The following MTUS2 variants were observed in gnomAD, a reference collection of about 807,000 sequenced individuals.
MTUS2 encodes the protein microtubule-associated tumor suppressor candidate 2.
MTUS2 carries 40 observed loss-of-function variants against 114.1 expected under a neutral mutation model. The observed-to-expected ratio is 0.35, with a 90% confidence interval of 0.27 to 0.46. The LOEUF (loss-of-function observed/expected upper bound fraction) is 0.46, where lower values mean the gene tolerates loss of function less well. Among genes scored for constraint, MTUS2 ranks in the 20% least tolerant of loss-of-function variants. The pLI, the probability that MTUS2 is intolerant of heterozygous loss-of-function variation, is 1.00. For synonymous variants in MTUS2, 688 were observed against 672.0 expected, an observed-to-expected ratio of 1.02 and a Z score of -0.37; for missense variants, 1,679 against 1,705.4, an observed-to-expected ratio of 0.98 and a Z score of 0.27.
chr13:29,141,593 A>G (rs895566832), intron 5 of MTUS2, among the ~76,000 whole-genome samples: 1 of 152,180 alleles, frequency 6.6e-6, no homozygotes, highest in African/African-American at 2.4e-5. Flanking sequence ...TCCTAACCTT[A>G]ATCAGAGCTG....
chr13:29,323,554 A>G (rs992997027), intron 6 of MTUS2, among the ~76,000 whole-genome samples: 2 of 152,188 alleles, frequency 1.3e-5, no homozygotes, highest in Admixed American at 6.5e-5. Flanking sequence ...CCAGCCTGAT[A>G]TGGCTCTTTT....
At chr13:29,059,539 G>A (rs1888311536) in intron 4 of MTUS2, among the ~76,000 whole-genome samples, 1 of 152,194 alleles carries the variant, frequency 6.6e-6, no homozygotes, top group Non-Finnish European at 1.5e-5. Context: ...TTGGCTGGAA[G>A]CTCTAGCAGG....
intron 5 of MTUS2, among the ~76,000 whole-genome samples, chr13:29,119,595 C>A (rs1275952278): frequency 6.6e-6 from 1 of 152,028 alleles, no homozygotes; most frequent in Non-Finnish European, 1.5e-5. Context: ...CTAAAATTTG[C>A]AGGGAAAGAT....
At chr13:29,146,325 G>A (rs140072099) in intron 5 of MTUS2, among the ~76,000 whole-genome samples, 19 of 152,244 alleles carry the variant, frequency 1.2e-4, no homozygotes, top group African/African-American at 4.6e-4. Flanking sequence ...TCTATACATG[G>A]CCAGCTTGTT....
At chr13:29,388,691 T>A (rs115238274) in intron 8 of MTUS2, among the ~76,000 whole-genome samples, 5,898 of 150,934 alleles carry the variant, frequency 0.039, 404 homozygotes, top group African/African-American at 0.14. Context: ...TTTAAAAAAA[T>A]TTAAAATAAA....
At position 29,166,766 on chromosome 13, in the gene MTUS2, A is replaced by G. The variant is rs924941484; in HGVS notation, c.2644+65796A>G. 2.6e-5 allele frequency among the ~76,000 whole-genome samples: 4 copies of G among 152,242 alleles called. No individual in the cohort carries two copies. The South Asian group carries it at 8.3e-4, about 32-fold the overall frequency. ...TTTGCATTTAAATACTTGCCAGGTC[A>G]GTAGCCTACCATTGTTAATCATAAA... is the stretch of plus-strand genomic sequence containing the variant. On this transcript the variant is annotated intron_variant, in intron 5 of 15. Transcript: ENST00000612955.
At chr13:28,829,764 G>C (rs1241323581) in intron 1 of MTUS2, among the ~76,000 whole-genome samples, 1 of 152,204 alleles carries the variant, frequency 6.6e-6, no homozygotes, top group African/African-American at 2.4e-5. Context: ...ACACCAGTTG[G>C]GGTTAACAAG....
At chr13:29,320,990 G>T (rs1326644977) in intron 6 of MTUS2, among the ~76,000 whole-genome samples, 14 of 152,208 alleles carry the variant, frequency 9.2e-5, no homozygotes, top group Non-Finnish European at 1.0e-4. Context: ...ATAGGACAGA[G>T]AATAGGTTTG....
At chr13:28,827,577 C>T (rs545938692) in intron 1 of MTUS2, among the ~76,000 whole-genome samples, 51 of 152,286 alleles carry the variant, frequency 3.3e-4, no homozygotes, top group African/African-American at 1.1e-3. Flanking sequence ...CCTGCAGCCA[C>T]ATTTCTTCAG....
rs1002634458 is a variant in MTUS2 at position 29,182,214 on chromosome 13, C to T, written c.2644+81244C>T. The stretch of plus-strand genomic sequence containing the variant: ...GAGTCATCCTTGATTCTCTCTCTTT[C>T]TCACACCCAGTATCCAATCCATGAG... On this transcript the variant is annotated intron_variant, in intron 5 of 15. Coordinates refer to ENST00000612955, the MANE Select transcript of MTUS2 (RefSeq NM_001033602.4). Among the ~76,000 whole-genome samples the T allele has an allele frequency of 4.6e-5, 7 of 152,320 alleles. 1 individual carries two copies. The highest frequency in any genetic ancestry group is 4.6e-4 in the Admixed American group (7 of 15,296).
intron 4 of MTUS2, among the ~76,000 whole-genome samples, chr13:29,074,413 T>C (rs906029571): frequency 6.6e-6 from 1 of 152,184 alleles, no homozygotes; most frequent in Non-Finnish European, 1.5e-5. Context: ...CACCCTTTAG[T>C]GTCATTTTTC....
Position 29,280,257 on chromosome 13 carries a change from C to A in MTUS2, c.2645-1447C>A, listed in dbSNP as rs148294369. ...CTGACACCCAGGATACAGTGCAGATCCTTTCAATGGAGTTTCAATGCATTT... is the reference window on the plus strand; with the variant it reads ...CTGACACCCAGGATACAGTGCAGATACTTTCAATGGAGTTTCAATGCATTT... On this transcript the variant is annotated intron_variant, in intron 5 of 15. Coordinates refer to ENST00000612955, the MANE Select transcript of MTUS2 (RefSeq NM_001033602.4). Among the ~76,000 whole-genome samples the A allele has an allele frequency of 1.4e-4, 22 of 152,278 alleles. No individual in the cohort carries two copies. In the East Asian group the frequency reaches 4.2e-3, roughly 29 times the overall value.
In MTUS2 at chr13:29,289,502, G is replaced by A. The variant is rs542758820; in HGVS notation, c.2806+7637G>A. Among the ~76,000 whole-genome samples, 50 of 141,648 alleles carry A rather than the reference G, an allele frequency of 3.5e-4. No individual in the cohort carries two copies. In the South Asian group the frequency reaches 5.5e-3, roughly 16 times the overall value. The allele number at this position is 141,648 out of a possible 152,430, so 92.9% of individuals were successfully genotyped here. On this transcript the variant is annotated intron_variant, in intron 6 of 15. Transcript: ENST00000612955. ...TTTTGAGACGGAGTCTCGCTCTGTC[G>A]CCCAGGCTGGAGTGCAGTGGTGCAA... is the stretch of plus-strand genomic sequence containing the variant.
At chr13:29,334,755 G>C (rs528925437) in intron 7 of MTUS2, among the ~76,000 whole-genome samples, 98 of 152,206 alleles carry the variant, frequency 6.4e-4, no homozygotes, top group African/African-American at 2.1e-3. Flanking sequence ...CCTGTGTTGT[G>C]GGAAGTCAGG....
At chr13:29,184,884 C>T (rs1894157908) in intron 5 of MTUS2, among the ~76,000 whole-genome samples, 3 of 151,530 alleles carry the variant, frequency 2.0e-5, no homozygotes, top group Admixed American at 2.0e-4. Flanking sequence ...AAAGTGTGGC[C>T]AAAAAAATCA....
chr13:28,900,196 A>G (rs1879558485), intron 2 of MTUS2, among the ~76,000 whole-genome samples: 1 of 151,966 alleles, frequency 6.6e-6, no homozygotes, highest in Non-Finnish European at 1.5e-5. Context: ...CCCCAGTTAA[A>G]CTCTTTTGGC....
chr13:29,076,047 A>T (rs1889178628), intron 4 of MTUS2, among the ~76,000 whole-genome samples: 1 of 152,298 alleles, frequency 6.6e-6, no homozygotes, highest in African/African-American at 2.4e-5. Flanking sequence ...ATAAGTTACA[A>T]TCTATACGTT....
At chr13:29,086,187 T>A (rs185340394) in intron 4 of MTUS2, among the ~76,000 whole-genome samples, 1 of 152,260 alleles carries the variant, frequency 6.6e-6, no homozygotes, top group Admixed American at 6.5e-5. Flanking sequence ...ATTAGGTCTT[T>A]GTTGCATACA....
chr13:29,497,727 T>A (rs1303671665), intron 13 of MTUS2: 1 of 196,804 alleles, frequency 5.1e-6, no homozygotes, highest in Non-Finnish European at 1.1e-5. Flanking sequence ...GAGGGGAATT[T>A]TTTCCAGAAA....
Sources: gnomAD v4.1 joint callset for allele counts (sites outside exome capture counted in the v4.1 genomes callset) on GRCh38, gnomAD v4.1.1 for gene constraint, MANE v1.5 for transcripts, NCBI Gene and HGNC (gene_info 2026-07-23, HGNC 2026-07-21) for gene names.